Variants in DPF3 observed in about 807,000 individuals in gnomAD.
The protein encoded by DPF3 is double PHD fingers 3, also known as zinc finger protein DPF3.
DPF3 carries 18 observed loss-of-function variants against 56.8 expected under a neutral mutation model. The observed-to-expected ratio is 0.32, with a 90% CI of 0.22 to 0.47. DPF3 has a LOEUF of 0.47. Ranked by LOEUF, DPF3 falls within the 20% of genes least tolerant of loss-of-function variation. The pLI, the probability that DPF3 is intolerant of heterozygous loss-of-function variation, is 1.00. For missense variants in DPF3, 403 were observed against 488.8 expected (o/e 0.82, Z 1.65); for synonymous variants, 188 against 180.2 (o/e 1.04, Z -0.35).
chr14:72,855,518 G>A (rs1885140930), intron 1 of DPF3, among the ~76,000 whole-genome samples: 1 of 152,156 alleles, frequency 6.6e-6, no homozygotes, highest in Non-Finnish European at 1.5e-5. Flanking sequence ...CAGAGATATT[G>A]GTCTGTAAAG....
intron 6 of DPF3, among the ~76,000 whole-genome samples, chr14:72,696,787 C>T (rs1450179533): frequency 2.0e-5 from 3 of 152,244 alleles, no homozygotes; most frequent in African/African-American, 4.8e-5. Flanking sequence ...AGACCAGCAC[C>T]ATCCACATCT....
intron 4 of DPF3, among the ~76,000 whole-genome samples, chr14:72,727,430 G>C (rs1889449517): frequency 6.6e-6 from 1 of 152,158 alleles, no homozygotes; most frequent in Admixed American, 6.5e-5. Context: ...ACAAAAAATA[G>C]TTGGGCGTGG....
Position 72,781,221 on chromosome 14 carries a change from G to A in DPF3, c.33-9328C>T, listed in dbSNP as rs1449448407. On this transcript the variant is annotated intron_variant, in intron 1 of 10. Transcript: ENST00000556509. ...CAGGCAGCTGGCATGGATTACCCTGGCAGCACTAACCTGCAGCAGACTAAT... is the reference window on the plus strand; with the variant it reads ...CAGGCAGCTGGCATGGATTACCCTGACAGCACTAACCTGCAGCAGACTAAT... 3.3e-5 allele frequency among the ~76,000 whole-genome samples: 5 copies of A among 152,154 alleles called. No individual in the cohort carries two copies. In the South Asian group the frequency reaches 1.0e-3, roughly 32 times the overall value.
At chr14:72,875,235 T>G (rs554004991) in intron 1 of DPF3, among the ~76,000 whole-genome samples, 10 of 152,028 alleles carry the variant, frequency 6.6e-5, no homozygotes, top group Non-Finnish European at 1.2e-4. Context: ...AGCCAAACCA[T>G]ATCACTACTA....
At chr14:72,653,726 C>T (rs762260729) in intron 8 of DPF3, among the ~76,000 whole-genome samples, 1 of 152,210 alleles carries the variant, frequency 6.6e-6, no homozygotes, top group Non-Finnish European at 1.5e-5. Context: ...TGGAGCCAGC[C>T]AGCATCTCAG....
chr14:72,715,280 T>G (rs929889752), intron 5 of DPF3, among the ~76,000 whole-genome samples: 4 of 152,090 alleles, frequency 2.6e-5, no homozygotes, highest in Admixed American at 2.6e-4. Flanking sequence ...CCTTCAAGAA[T>G]CAAAGAGCCC....
At chr14:72,691,343 G>A (rs1887671449) in intron 7 of DPF3, among the ~76,000 whole-genome samples, 1 of 152,222 alleles carries the variant, frequency 6.6e-6, no homozygotes, top group African/African-American at 2.4e-5. Context: ...TGGTTTGGAA[G>A]TAGGGTCCTC....
At chr14:72,892,545 C>T (rs1005181683) in intron 1 of DPF3, 2 of 1,383,248 alleles carry the variant, frequency 1.4e-6, no homozygotes, top group Admixed American at 3.2e-5. Context: ...GGCGCAAACA[C>T]GTCCGATTCT....
At chr14:72,872,152 G>A (rs893245963) in intron 1 of DPF3, among the ~76,000 whole-genome samples, 1 of 152,160 alleles carries the variant, frequency 6.6e-6, no homozygotes, top group Non-Finnish European at 1.5e-5. Context: ...AGCCACAGAT[G>A]GCCCCTGGAG....
At chr14:72,661,208 A>T (rs1886197468) in intron 8 of DPF3, 7 of 985,036 alleles carry the variant, frequency 7.1e-6, no homozygotes, top group African/African-American at 1.8e-5. Context: ...GACAAGGGAC[A>T]TTTTCTACCA....
intron 1 of DPF3, among the ~76,000 whole-genome samples, chr14:72,848,189 G>C (rs147077044): frequency 6.6e-6 from 1 of 151,642 alleles, no homozygotes. Flanking sequence ...ACAGAGTCTC[G>C]CTCTGTCGCC....
At chr14:72,831,094 G>A (rs578262473) in intron 1 of DPF3, among the ~76,000 whole-genome samples, 7 of 152,186 alleles carry the variant, frequency 4.6e-5, no homozygotes, top group South Asian at 4.2e-4. Flanking sequence ...ACCTGGAGGC[G>A]GGCCAGGGAC....
intron 9 of DPF3, among the ~76,000 whole-genome samples, chr14:72,624,492 C>T (rs1006950118): frequency 5.3e-5 from 8 of 152,072 alleles, no homozygotes; most frequent in Admixed American, 5.2e-4. Context: ...GCATGTGCCA[C>T]CATGCCTGGC....
intron 1 of DPF3, among the ~76,000 whole-genome samples, chr14:72,828,983 G>A (rs779164173): frequency 2.0e-5 from 3 of 152,164 alleles, no homozygotes; most frequent in Middle Eastern, 3.2e-3. Flanking sequence ...CTTCTCACTT[G>A]GGCTTGAGGG....
At chr14:72,780,060 T>C (rs1287534759) in intron 1 of DPF3, among the ~76,000 whole-genome samples, 1 of 152,200 alleles carries the variant, frequency 6.6e-6, no homozygotes, top group Non-Finnish European at 1.5e-5. Context: ...CCACATTGGG[T>C]AAATGATGAG....
rs115191834 is a variant in DPF3 at position 72,727,625 on chromosome 14, C to T, written c.430-3897G>A. ...CTTCCTCAGGAACTCTACTCTGATG[C>T]TGAATCTTCATACTGTTTGTTCTCA... On this transcript the variant is annotated intron_variant, in intron 4 of 10. Transcript: ENST00000556509. Among the ~76,000 whole-genome samples, 1,156 of 151,508 alleles carry T rather than the reference C, an allele frequency of 7.6e-3. 13 individuals are homozygous for T. The highest frequency in any genetic ancestry group is 0.027 in the African/African-American group (1,112 of 41,360).
At chr14:72,776,920 G>A (rs536294309) in intron 1 of DPF3, among the ~76,000 whole-genome samples, 3 of 152,202 alleles carry the variant, frequency 2.0e-5, no homozygotes, top group Admixed American at 2.0e-4. Flanking sequence ...TAGCAACTTG[G>A]CCTTGACTCT....
chr14:72,875,703 G>A (rs1347377957), intron 1 of DPF3, among the ~76,000 whole-genome samples: 1 of 152,166 alleles, frequency 6.6e-6, no homozygotes, highest in African/African-American at 2.4e-5. Flanking sequence ...AAGTATGCAA[G>A]GAACGAACCC....
intron 5 of DPF3, among the ~76,000 whole-genome samples, chr14:72,718,115 C>A (rs1458584474): frequency 1.3e-5 from 2 of 152,098 alleles, no homozygotes; most frequent in Non-Finnish European, 2.9e-5. Flanking sequence ...CACATGGAAG[C>A]AGGAAGAATG....
Sources: allele counts gnomAD v4.1 joint callset (sites outside exome capture counted in the v4.1 genomes callset), GRCh38; gene constraint gnomAD v4.1.1; transcripts MANE v1.5; gene names NCBI Gene and HGNC (gene_info 2026-07-23, HGNC 2026-07-21).